Variants in TRPC1 observed in about 807,000 individuals in gnomAD.
The protein encoded by TRPC1 is transient receptor potential cation channel subfamily C member 1, also known as short transient receptor potential channel 1.
Under a neutral mutation model 88.2 loss-of-function variants are expected in TRPC1, and 42 were observed. That is an observed-to-expected ratio of 0.48 (90% confidence interval 0.37 to 0.62). TRPC1 has a LOEUF of 0.62. Ranked by LOEUF, TRPC1 falls within the 20% of genes least tolerant of loss-of-function variation. The probability of loss-of-function intolerance (pLI) is 0.00; values close to 1 mark genes in which losing one functional copy is unlikely to be tolerated. For missense variants in TRPC1, 699 were observed against 957.3 expected, an observed-to-expected ratio of 0.73 and a Z score of 3.56; for synonymous variants, 288 against 331.8, an observed-to-expected ratio of 0.87 and a Z score of 1.43.
At chr3:142,763,454 T>C (rs1384050376) in intron 4 of TRPC1, among the ~76,000 whole-genome samples, 2 of 152,116 alleles carry the variant, frequency 1.3e-5, no homozygotes, top group Non-Finnish European at 2.9e-5. Context: ...TCTTTGTCTT[T>C]TTTTAGTCTT....
chr3:142,744,871 C>A (rs1308279536), intron 3 of TRPC1, among the ~76,000 whole-genome samples: 1 of 151,832 alleles, frequency 6.6e-6, no homozygotes, highest in Admixed American at 6.6e-5. Flanking sequence ...GTGACGATAC[C>A]GTGAAACAAG....
intron 6 of TRPC1, among the ~76,000 whole-genome samples, chr3:142,783,522 A>G (rs1408881858): frequency 1.3e-5 from 2 of 152,242 alleles, no homozygotes; most frequent in Non-Finnish European, 2.9e-5. Flanking sequence ...GATTCAACAT[A>G]GTACTTGCTG....
At chr3:142,727,598 A>G (rs2108003907) in intron 1 of TRPC1, among the ~76,000 whole-genome samples, 1 of 152,302 alleles carries the variant, frequency 6.6e-6, no homozygotes, top group Middle Eastern at 3.4e-3. Flanking sequence ...ATCATCTCAG[A>G]GGTAACATTG....
At chr3:142,803,931 A>T (rs1208773730) in intron 10 of TRPC1, 46 bp from the exon 11 acceptor site, 2 of 1,560,300 alleles carry the variant, frequency 1.3e-6, no homozygotes, top group Admixed American at 1.7e-5. Context: ...CATTTTTGCT[A>T]ATTTCTTTAA....
chr3:142,752,629 G>A (rs1215833322), intron 4 of TRPC1, among the ~76,000 whole-genome samples: 1 of 152,000 alleles, frequency 6.6e-6, no homozygotes, highest in Non-Finnish European at 1.5e-5. Context: ...CCCTTTACGG[G>A]TGTAGGGCTG....
At position 142,781,027 on chromosome 3, in the gene TRPC1, G is replaced by C. The variant is rs1474994947; in HGVS notation, c.958G>C (p.Glu320Gln). Reference sequence around the variant, plus strand: ...ACTTGCTATCAAATATAACCAGAAAGAGGTATGAGGCTTTCTGTAATATAT... The same window carrying C: ...ACTTGCTATCAAATATAACCAGAAACAGGTATGAGGCTTTCTGTAATATAT... ...LKLAIKYNQK[E>Q]FVSQSNCQQF... Residue 320 changes from glutamate to glutamine, a missense_variant and splice_region_variant, in exon 6 of 13, where the codon GAG (glutamate) becomes CAG (glutamine). Physicochemically the swap from Glu to Gln is conservative, Grantham distance 29. This residue lies in a region of TRPC1 where 426 missense variants were observed against 641.3 expected (regional missense o/e 0.66). Transcript: ENST00000476941. 1 of 1,606,860 alleles carries C rather than the reference G, an allele frequency of 6.2e-7. No individual in the cohort carries two copies. The highest frequency in any genetic ancestry group is 8.5e-7 in the Non-Finnish European group (1 of 1,177,558).
At chr3:142,764,357 T>G (rs60752859) in intron 4 of TRPC1, among the ~76,000 whole-genome samples, 1 of 151,850 alleles carries the variant, frequency 6.6e-6, no homozygotes, top group Non-Finnish European at 1.5e-5. Flanking sequence ...ATGGTTTTTA[T>G]ACCTTGAACA....
intron 5 of TRPC1, 102 bp from the exon 6 acceptor site, chr3:142,780,732 T>A: frequency 1.7e-6 from 2 of 1,176,960 alleles, no homozygotes; most frequent in Non-Finnish European, 2.3e-6. Flanking sequence ...TGTGTAACAC[T>A]GTCAGAATTA....
At chr3:142,738,328 TGATTGTGGAAATGAATA>T (rs1195455833) in intron 2 of TRPC1, among the ~76,000 whole-genome samples, 1 of 152,232 alleles carries the variant, frequency 6.6e-6, no homozygotes, top group Non-Finnish European at 1.5e-5. Context: ...TGGTTGGGTA[TGATTGTGGAAATGAATA>T]AGTAAAACAT....
Position 142,767,315 on chromosome 3 carries a change from A to T in TRPC1, c.633-10317A>T, listed in dbSNP as rs1480558897. 6.6e-6 allele frequency among the ~76,000 whole-genome samples: 1 copy of T among 151,980 alleles called. No individual in the cohort carries two copies. The highest frequency in any genetic ancestry group is 2.1e-4 in the South Asian group (1 of 4,838). On this transcript the variant is annotated intron_variant, in intron 4 of 12. Transcript: ENST00000476941. The surrounding 1 kb of genome is among the most constrained non-coding windows in gnomAD (Gnocchi z 5.1). ...GATGTTTAGATCTTTCCCATTTTTAAATTAGTTGCTTTCTTATGGTTGAGT... is the reference window on the plus strand; with the variant it reads ...GATGTTTAGATCTTTCCCATTTTTATATTAGTTGCTTTCTTATGGTTGAGT...
intron 2 of TRPC1, among the ~76,000 whole-genome samples, chr3:142,739,636 A>G (rs1009825765): frequency 1.3e-5 from 2 of 152,206 alleles, no homozygotes; most frequent in South Asian, 2.1e-4. Flanking sequence ...TGGGTTTTAT[A>G]TAATAGTTAG....
chr3:142,799,443 G>A (rs982270005), intron 9 of TRPC1, among the ~76,000 whole-genome samples: 1 of 152,084 alleles, frequency 6.6e-6, no homozygotes, highest in East Asian at 1.9e-4. Flanking sequence ...CTTCAAGCCA[G>A]TGTTTTCCTC....
At chr3:142,794,373 T>A (rs976629432) in intron 9 of TRPC1, among the ~76,000 whole-genome samples, 8 of 152,086 alleles carry the variant, frequency 5.3e-5, no homozygotes, top group Non-Finnish European at 1.0e-4. Flanking sequence ...GAATGAAGAG[T>A]CAATTTCTGA....
Position 142,804,174 on chromosome 3 carries a change from T to C in TRPC1, c.1955T>C (p.Ile652Thr). ...VAMLHKSFQL[I>T]ANHEDKEWKF... ...ATGCTTCATAAAAGCTTTCAGTTGA[T>C]AGCAGTAAGTTCATTCTTTTAAAAA... The change falls in exon 11 of 13, where the codon ATA (isoleucine) becomes ACA (threonine). Residue 652 changes from isoleucine (I) to threonine (T), a missense_variant. Ile to Thr is a moderately conservative substitution (Grantham distance 89). Transcript: ENST00000476941. 2 of 1,613,772 alleles carry C rather than the reference T, an allele frequency of 1.2e-6. No homozygotes were observed. The highest frequency in any genetic ancestry group is 2.2e-5 in the East Asian group (1 of 44,856).
Position 142,748,450 on chromosome 3 carries a change from C to T in TRPC1, c.622C>T (p.Arg208Trp), listed in dbSNP as rs372429531. The change falls in exon 4 of 13, where the codon CGG (arginine) becomes TGG (tryptophan). Residue 208 changes from arginine (R) to tryptophan (W), a missense_variant. Arg to Trp is a moderately radical substitution (Grantham distance 101). This residue lies in a region of TRPC1 where 426 missense variants were observed against 641.3 expected (regional missense o/e 0.66). Coordinates refer to ENST00000476941, the MANE Select transcript of TRPC1 (RefSeq NM_001251845.2). ...TGCAAAAAACAAAAAGGATAGCCTC[C>T]GGCATTCCAGGTTAGAACATTAAAC... ...CSAKNKKDSL[R>W]HSRFRLDIYR... The T allele has an allele frequency of 6.8e-6, 11 of 1,613,790 alleles. No homozygotes were observed. The highest frequency in any genetic ancestry group is 2.7e-5 in the African/African-American group (2 of 74,910).
intron 1 of TRPC1, among the ~76,000 whole-genome samples, chr3:142,734,288 C>G (rs1934039941): frequency 6.6e-6 from 1 of 151,558 alleles, no homozygotes; most frequent in Non-Finnish European, 1.5e-5. Flanking sequence ...GAAATGAAAA[C>G]ATAAGAAAAT....
rs1216789051 is a variant in TRPC1 at position 142,806,989 on chromosome 3, T to C, written c.*754T>C. ...GTTTTTGAAAAATACAGTCAGTAGA[T>C]GTTTTATTTTTTAGCTATTCAGTTA... On this transcript the variant is annotated 3_prime_UTR_variant, in exon 13 of 13. Transcript: ENST00000476941. 1.3e-5 allele frequency: 2 copies of C among 152,266 alleles called. No individual in the cohort carries two copies. The highest frequency in any genetic ancestry group is 3.9e-4 in the East Asian group (2 of 5,192). The allele number at this position is 152,266 out of a possible 1,614,324, so 9.4% of individuals were successfully genotyped here.
chr3:142,778,416 T>C (rs980704710), intron 5 of TRPC1, among the ~76,000 whole-genome samples: 1 of 151,426 alleles, frequency 6.6e-6, no homozygotes, highest in Non-Finnish European at 1.5e-5. Flanking sequence ...GGGGGGTAAG[T>C]TGAAAAAAAA....
rs1446509581 is a variant in TRPC1 at position 142,807,234 on chromosome 3, C to T, written c.*999C>T. Reference sequence around the variant, plus strand: ...TTTGTTTTATATTTGGACTAAGGTTCTTGAGCTTATCTCCCAAGGTACTTT... The same window carrying T: ...TTTGTTTTATATTTGGACTAAGGTTTTTGAGCTTATCTCCCAAGGTACTTT... On this transcript the variant is annotated 3_prime_UTR_variant, in exon 13 of 13. Coordinates refer to ENST00000476941, the MANE Select transcript of TRPC1 (RefSeq NM_001251845.2). 1 of 152,154 alleles carries T rather than the reference C, an allele frequency of 6.6e-6. No individual in the cohort carries two copies. Among genetic ancestry groups the T allele is most frequent in the East Asian group, 1.9e-4 (1 of 5,174 alleles). The allele number at this position is 152,154 out of a possible 1,614,324, so 9.4% of individuals were successfully genotyped here. A position where few individuals can be genotyped will look rare whatever the true frequency, so the allele number is the denominator to read the frequency against.
Sources: gnomAD v4.1 joint callset for allele counts (sites outside exome capture counted in the v4.1 genomes callset) on GRCh38, gnomAD v4.1.1 for gene constraint, gnomAD v4.1.1 regional missense constraint, Gnocchi (gnomAD v3.1) non-coding constraint, MANE v1.5 for transcripts, NCBI Gene and HGNC (gene_info 2026-07-23, HGNC 2026-07-21) for gene names.